The following DIAPH1 variants were observed in gnomAD, a reference collection of about 807,000 sequenced individuals.
The protein encoded by DIAPH1 is diaphanous related formin 1, also known as protein diaphanous homolog 1.
In DIAPH1, 46 loss-of-function variants were observed where a neutral mutation model predicts 140.7. That is an observed-to-expected ratio of 0.33 (90% CI 0.26 to 0.42). The LOEUF (loss-of-function observed/expected upper bound fraction) is 0.42. DIAPH1 is among the 10% of genes least tolerant of loss of function. DIAPH1 has a pLI of 1.00. For synonymous variants in DIAPH1, 565 were observed against 551.6 expected, an observed-to-expected ratio of 1.02 and a Z score of -0.34; for missense variants, 1,310 against 1,558.7, an observed-to-expected ratio of 0.84 and a Z score of 2.69.
intron 18 of DIAPH1, among the ~76,000 whole-genome samples, chr5:141,555,648 G>A (rs1033632483): frequency 6.6e-6 from 1 of 152,160 alleles, no homozygotes; most frequent in Non-Finnish European, 1.5e-5. Context: ...TCAGTTTACA[G>A]AATTGTGTGA....
intron 11 of DIAPH1, 94 bp downstream of exon 11, chr5:141,578,131 G>A: frequency 1.1e-6 from 1 of 921,568 alleles, no homozygotes; most frequent in Non-Finnish European, 1.8e-6. Flanking sequence ...GCTCTGTTCT[G>A]AGTCATCATC....
At position 141,516,922 on chromosome 5, in the gene DIAPH1, C is replaced by G. The variant is rs1320235178; in HGVS notation, c.3748G>C (p.Val1250Leu). ...DDAMAAVPAK[V>L]SKNSETFPTI... ...GGGAATGTCTCACTGTTCTTGGACA[C>G]CTTGGCAGGAACAGCAGCCATGGCA... Residue 1250 changes from valine (V) to leucine (L), a missense_variant, in exon 28 of 28, where the codon GTG (valine) becomes CTG (leucine). By Grantham distance (32) the Val-to-Leu change is conservative. Around this residue, in one of 3 missense-constraint regions of DIAPH1, gnomAD observed 344 missense variants for 512.2 expected, o/e 0.67. Coordinates refer to ENST00000389054, the MANE Select transcript of DIAPH1 (RefSeq NM_005219.5). 1 of 1,614,124 alleles carries G rather than the reference C, an allele frequency of 6.2e-7. No homozygotes were observed. The highest frequency in any genetic ancestry group is 1.3e-5 in the African/African-American group (1 of 74,936).
chr5:141,596,679 C>G (rs1038136263), intron 1 of DIAPH1, among the ~76,000 whole-genome samples: 3 of 152,148 alleles, frequency 2.0e-5, no homozygotes, highest in Non-Finnish European at 4.4e-5. Context: ...TCTAAACTTA[C>G]AATGTGATTC....
chr5:141,613,124 T>C (rs952246500), intron 1 of DIAPH1, among the ~76,000 whole-genome samples: 2 of 152,220 alleles, frequency 1.3e-5, no homozygotes, highest in African/African-American at 2.4e-5. Context: ...GGACCAGTCA[T>C]ATCCACCACC....
chr5:141,529,514 G>T, intron 20 of DIAPH1, 89 bp downstream of exon 20: 1 of 1,126,180 alleles, frequency 8.9e-7, no homozygotes, highest in Non-Finnish European at 1.4e-6. Flanking sequence ...AGCAATGCTG[G>T]AGGAGGATCC....
At chr5:141,554,870 T>C (rs1313807933) in intron 18 of DIAPH1, among the ~76,000 whole-genome samples, 1 of 152,066 alleles carries the variant, frequency 6.6e-6, no homozygotes, top group African/African-American at 2.4e-5. Context: ...TCTTAGCATA[T>C]TAGAAATCGA....
chr5:141,525,897 C>CG, intron 26 of DIAPH1, 141 bp downstream of exon 26: 6 of 1,326,910 alleles, frequency 4.5e-6, no homozygotes, highest in Non-Finnish European at 6.4e-6. Context: ...TAAAGTCCGG[C>CG]ATCAGGATCT....
At chr5:141,532,600 A>G (rs2099888399) in intron 19 of DIAPH1, among the ~76,000 whole-genome samples, 1 of 152,170 alleles carries the variant, frequency 6.6e-6, no homozygotes, top group African/African-American at 2.4e-5. Flanking sequence ...TAAACATTCT[A>G]GCATACCTCC....
chr5:141,551,832 A>T (rs964092784), intron 18 of DIAPH1, among the ~76,000 whole-genome samples: 69 of 152,358 alleles, frequency 4.5e-4, no homozygotes, highest in African/African-American at 1.6e-3. Flanking sequence ...CACTTCACGT[A>T]ACTGAAGACC....
At chr5:141,558,979 T>G (rs190050022) in intron 18 of DIAPH1, among the ~76,000 whole-genome samples, 176 of 151,692 alleles carry the variant, frequency 1.2e-3, no homozygotes, top group Non-Finnish European at 1.9e-3. Flanking sequence ...AGGGTCTTTG[T>G]GGAAGAATCT....
intron 18 of DIAPH1, among the ~76,000 whole-genome samples, chr5:141,540,693 G>C (rs1188157734): frequency 6.6e-6 from 1 of 151,786 alleles, no homozygotes; most frequent in African/African-American, 2.4e-5. Context: ...TGCGATTACA[G>C]GCATGAGCCA....
chr5:141,578,125 T>C (rs2099896228), intron 11 of DIAPH1, 100 bp downstream of exon 11: 1 of 886,034 alleles, frequency 1.1e-6, no homozygotes, highest in African/African-American at 1.6e-5. Context: ...CCTGATGCTC[T>C]GTTCTGAGTC....
chr5:141,591,695 GATAT>G lies in DIAPH1; in HGVS notation c.118-3449_118-3446del, dbSNP rs56117502. On this transcript the variant is annotated intron_variant, in intron 1 of 27. Transcript: ENST00000389054. ...TGGAAAAGGAAGGAAGGGAGATGGG[GATAT>G]ATATATATATATATATATATATATA... 5.4e-3 allele frequency among the ~76,000 whole-genome samples: 464 copies of G among 86,336 alleles called. 30 individuals are homozygous for G. Among genetic ancestry groups the G allele is most frequent in the African/African-American group, 0.019 (331 of 17,472 alleles). 56.6% of individuals were successfully genotyped at this position (86,336 alleles called of 152,430 possible). A position where few individuals can be genotyped will look rare whatever the true frequency, so the allele number is the denominator to read the frequency against.
At chr5:141,586,675 CAG>C (rs1562333012) in intron 3 of DIAPH1, among the ~76,000 whole-genome samples, 1 of 152,184 alleles carries the variant, frequency 6.6e-6, no homozygotes. Flanking sequence ...CTCCTTTATA[CAG>C]AGTTTGTTGT....
At chr5:141,543,963 G>A (rs116262785) in intron 18 of DIAPH1, among the ~76,000 whole-genome samples, 1 of 152,118 alleles carries the variant, frequency 6.6e-6, no homozygotes, top group Non-Finnish European at 1.5e-5. Flanking sequence ...AGAGAACAGG[G>A]GAAAATCTTC....
At chr5:141,517,130 C>G in intron 27 of DIAPH1, 122 bp from the exon 28 acceptor site, 1 of 1,124,518 alleles carries the variant, frequency 8.9e-7, no homozygotes, top group South Asian at 1.3e-5. Flanking sequence ...TTCACAGAGG[C>G]CCTTACTTTG....
In DIAPH1 at chr5:141,573,643, G is replaced by C; in HGVS notation, c.2207C>G (p.Pro736Arg). 6.2e-7 allele frequency: 1 copy of C among 1,613,446 alleles called. No individual in the cohort carries two copies. The highest frequency in any genetic ancestry group is 8.5e-7 in the Non-Finnish European group (1 of 1,179,668). The change falls in exon 16 of 28, where the codon CCT becomes CGT. Residue 736 changes from proline to arginine, a missense_variant. By Grantham distance (103) the Pro-to-Arg change is moderately radical. Coordinates refer to ENST00000389054, the MANE Select transcript of DIAPH1 (RefSeq NM_005219.5). ...TCCGGGTGGAGGTGGAGGAATGCCA[G>C]GGCCTCCGGGAAATGGAGGAGGTGG... ...IPPPPPFPGG[P>R]GIPPPPPGMG...
At chr5:141,613,991 G>T (rs1395214356) in intron 1 of DIAPH1, among the ~76,000 whole-genome samples, 1 of 152,224 alleles carries the variant, frequency 6.6e-6, no homozygotes, top group Non-Finnish European at 1.5e-5. Context: ...CAGGCAAGGG[G>T]AGAGTGTGGC....
chr5:141,578,159 C>T, intron 11 of DIAPH1, 66 bp downstream of exon 11: 1 of 1,178,088 alleles, frequency 8.5e-7, no homozygotes, highest in Non-Finnish European at 1.3e-6. Context: ...CCATTCCACA[C>T]AGGGATCAGG....
Sources: gnomAD v4.1 joint callset for allele counts (sites outside exome capture counted in the v4.1 genomes callset) on GRCh38, gnomAD v4.1.1 for gene constraint, gnomAD v4.1.1 regional missense constraint, MANE v1.5 for transcripts, NCBI Gene and HGNC (gene_info 2026-07-23, HGNC 2026-07-21) for gene names.